USP53: variants seen among roughly 807,000 people sequenced by gnomAD.
The protein encoded by USP53 is ubiquitin specific peptidase 53.
USP53 carries 71 observed loss-of-function variants against 94.9 expected under a neutral mutation model. That is an observed-to-expected ratio of 0.75 (90% CI 0.62 to 0.91). The LOEUF (loss-of-function observed/expected upper bound fraction) is 0.91, where lower values mean the gene tolerates loss of function less well. Ranked by LOEUF, USP53 falls within the 40% of genes least tolerant of loss-of-function variation. USP53 has a pLI of 0.00. For missense variants in USP53, 1,173 were observed against 1,281.0 expected, an observed-to-expected ratio of 0.92 and a Z score of 1.29; for synonymous variants, 375 against 422.7, an observed-to-expected ratio of 0.89 and a Z score of 1.39.
intron 11 of USP53, among the ~76,000 whole-genome samples, chr4:119,261,064 AT>A (rs1237109416): frequency 1.4e-5 from 2 of 146,746 alleles, no homozygotes; most frequent in Non-Finnish European, 3.0e-5. Context: ...GGCTCAAGCA[AT>A]TTTCATGCTT....
chr4:119,232,579 G>A (rs891463968), intron 3 of USP53, among the ~76,000 whole-genome samples: 2 of 152,034 alleles, frequency 1.3e-5, no homozygotes, highest in African/African-American at 4.8e-5. Context: ...CTTTTTGACT[G>A]TTATGAATAA....
chr4:119,250,926 T>C (rs1748901591), intron 7 of USP53, among the ~76,000 whole-genome samples: 1 of 151,936 alleles, frequency 6.6e-6, no homozygotes, highest in Admixed American at 6.6e-5. Flanking sequence ...TTAATTATAC[T>C]TTAAGTTCTG....
intron 15 of USP53, 100 bp downstream of exon 15, chr4:119,269,937 T>C: frequency 1.8e-6 from 1 of 551,552 alleles, no homozygotes; most frequent in Non-Finnish European, 2.5e-6. Flanking sequence ...TGTTAAATAA[T>C]ATATATTAAA....
At chr4:119,261,893 A>ACC (rs770697797) in intron 12 of USP53, 29 bp downstream of exon 12, 2 of 1,414,066 alleles carry the variant, frequency 1.4e-6, no homozygotes, top group Admixed American at 4.8e-5. Context: ...AATTGAAATA[A>ACC]TTACTGTGAT....
At chr4:119,217,330 T>C (rs1297099057) in intron 2 of USP53, among the ~76,000 whole-genome samples, 1 of 152,176 alleles carries the variant, frequency 6.6e-6, no homozygotes, top group Non-Finnish European at 1.5e-5. Flanking sequence ...GATGCTACCA[T>C]ATAGGCATGA....
Position 119,292,819 on chromosome 4 carries a change from C to T in USP53, c.2830C>T (p.Pro944Ser). 2 of 1,614,068 alleles carry T rather than the reference C, an allele frequency of 1.2e-6. No homozygotes were observed. The highest frequency in any genetic ancestry group is 1.7e-6 in the Non-Finnish European group (2 of 1,179,976). The change falls in exon 19 of 19, where the codon CCT (proline) becomes TCT (serine). Residue 944 changes from proline to serine, a missense_variant. Pro to Ser is a moderately conservative substitution (Grantham distance 74, BLOSUM62 -1). Coordinates refer to ENST00000692078, the MANE Select transcript of USP53 (RefSeq NM_001371395.1). The part of the protein sequence containing the change: ...VPQSEKSEST[P>S]DVKLTEVFKA... The stretch of plus-strand genomic sequence containing the variant: ...ACAGTCAGAGAAAAGCGAATCTACA[C>T]CTGATGTCAAACTTACAGAGGTGTT...
chr4:119,250,792 A>G (rs1275517589), intron 7 of USP53, among the ~76,000 whole-genome samples: 2 of 152,230 alleles, frequency 1.3e-5, no homozygotes, highest in Admixed American at 1.3e-4. Context: ...ATTGTAAATC[A>G]ATATTTATAT....
intron 3 of USP53, among the ~76,000 whole-genome samples, chr4:119,232,337 A>G (rs547350472): frequency 6.6e-6 from 1 of 152,218 alleles, no homozygotes; most frequent in East Asian, 1.9e-4. Context: ...TCTACTATCT[A>G]TCTTAGTAGA....
chr4:119,266,389 T>C (rs572432152), intron 12 of USP53: 30 of 455,594 alleles, frequency 6.6e-5, no homozygotes, highest in African/African-American at 5.8e-4. Context: ...AAAGTGGTTA[T>C]ACCAATTTGC....
rs1754927160 is a variant in USP53 at position 119,292,923 on chromosome 4, T to C, written c.2934T>C (p.Asn978=). 1.2e-6 allele frequency: 2 copies of C among 1,614,062 alleles called. No homozygotes were observed. Among genetic ancestry groups the C allele is most frequent in the East Asian group, 4.5e-5 (2 of 44,884 alleles). ...EPSLEVSTHM[N]DERHKETFQV... ...GTTTAGAAGTGAGTACACATATGAATGATGAAAGACATAAAGAAACATTTC... is the reference window on the plus strand; with the variant it reads ...GTTTAGAAGTGAGTACACATATGAACGATGAAAGACATAAAGAAACATTTC... The change falls in exon 19 of 19, where the codon AAT becomes AAC. Residue 978 remains asparagine (N), a synonymous_variant. Transcript: ENST00000692078.
rs951653469 is a variant in USP53 at position 119,293,361 on chromosome 4, C to T, written c.*150C>T. 1 of 872,044 alleles carries T rather than the reference C, an allele frequency of 1.1e-6. No homozygotes were observed. Among genetic ancestry groups the T allele is most frequent in the Non-Finnish European group, 1.7e-6 (1 of 595,738 alleles). 54.0% of individuals were successfully genotyped at this position (872,044 alleles called of 1,614,324 possible). On this transcript the variant is annotated 3_prime_UTR_variant, in exon 19 of 19. Coordinates refer to ENST00000692078, the MANE Select transcript of USP53 (RefSeq NM_001371395.1). ...AGAGGCCATTTAAATATAATAGGAACCTACTGACCAAACCTAGTGATACAT... is the reference window on the plus strand; with the variant it reads ...AGAGGCCATTTAAATATAATAGGAATCTACTGACCAAACCTAGTGATACAT...
In USP53 at chr4:119,271,719, G is replaced by A. The variant is rs755172602; in HGVS notation, c.1859G>A (p.Ser620Asn). 24 of 1,613,956 alleles carry A rather than the reference G, an allele frequency of 1.5e-5. No individual in the cohort carries two copies. The South Asian group carries it at 2.5e-4, about 17-fold the overall frequency. ...AATATCAGTAATAAGCCTAAATCTA[G>A]CAAGGATCCGAGTTTTAGTAATTGG... ...KPNISNKPKS[S>N]KDPSFSNWPK... Residue 620 changes from serine (S) to asparagine (N), a missense_variant, in exon 16 of 19, where the codon AGC (serine) becomes AAC (asparagine). By Grantham distance (46) the Ser-to-Asn change is conservative. Coordinates refer to ENST00000692078, the MANE Select transcript of USP53 (RefSeq NM_001371395.1).
chr4:119,230,737 G>A (rs1745951663), intron 3 of USP53, among the ~76,000 whole-genome samples: 1 of 152,122 alleles, frequency 6.6e-6, no homozygotes, highest in Non-Finnish European at 1.5e-5. Context: ...AGAGAAGAGG[G>A]CAGCACACCT....
chr4:119,231,043 A>ATAAAGAGG (rs1430702909), intron 3 of USP53, among the ~76,000 whole-genome samples: 7 of 152,178 alleles, frequency 4.6e-5, no homozygotes, highest in Non-Finnish European at 8.8e-5. Context: ...CTGACCACCT[A>ATAAAGAGG]TAAAGAGGTG....
chr4:119,248,908 A>T, intron 7 of USP53, 26 bp downstream of exon 7: 1 of 1,612,798 alleles, frequency 6.2e-7, no homozygotes, highest in Non-Finnish European at 8.5e-7. Context: ...ATTCCTTAAG[A>T]AGTCAGGATA....
chr4:119,254,334 C>T (rs1749463306), intron 7 of USP53, among the ~76,000 whole-genome samples: 2 of 152,188 alleles, frequency 1.3e-5, no homozygotes, highest in Non-Finnish European at 2.9e-5. Context: ...TGGTTCCATT[C>T]TCCCCATCAC....
At position 119,271,764 on chromosome 4, in the gene USP53, A is replaced by G; in HGVS notation, c.1904A>G (p.Gln635Arg). ...FSNWPKENPK[Q>R]KGLMTIYEDE... ...AATTGGCCAAAAGAGAATCCAAAGC[A>G]AAAAGGTTTAATGACCATATATGAA... The change falls in exon 16 of 19, where the codon CAA (glutamine) becomes CGA (arginine). Residue 635 changes from glutamine (Q) to arginine (R), a missense_variant. Coordinates refer to ENST00000692078, the MANE Select transcript of USP53 (RefSeq NM_001371395.1). The G allele has an allele frequency of 6.2e-7, 1 of 1,613,926 alleles. No individual in the cohort carries two copies. Among genetic ancestry groups the G allele is most frequent in the African/African-American group, 1.3e-5 (1 of 75,022 alleles).
At chr4:119,214,337 C>T (rs1350676980) in intron 2 of USP53, 115 bp downstream of exon 2, 2 of 151,970 alleles carry the variant, frequency 1.3e-5, no homozygotes, top group Non-Finnish European at 2.9e-5. Context: ...TGGTGATAAA[C>T]CATGAAAGTG....
chr4:119,228,709 C>T (rs1284008764), intron 3 of USP53, among the ~76,000 whole-genome samples: 1 of 152,050 alleles, frequency 6.6e-6, no homozygotes, highest in Non-Finnish European at 1.5e-5. Context: ...TCAAAACTTA[C>T]TGAACTGTAC....
Sources: allele counts gnomAD v4.1 joint callset (sites outside exome capture counted in the v4.1 genomes callset), GRCh38; gene constraint gnomAD v4.1.1; transcripts MANE v1.5; gene names NCBI Gene and HGNC (gene_info 2026-07-23, HGNC 2026-07-21).